Variants in RND3 observed in about 807,000 individuals in gnomAD.
The protein encoded by RND3 is Rho family GTPase 3.
In RND3, 8 loss-of-function variants were observed where a neutral mutation model predicts 26.5. That is an observed-to-expected ratio of 0.30 (90% CI 0.18 to 0.54). The LOEUF is 0.54. Among genes scored for constraint, RND3 ranks in the 20% least tolerant of loss-of-function variants. The probability of loss-of-function intolerance (pLI) is 0.94; values close to 1 mark genes in which losing one functional copy is unlikely to be tolerated. For synonymous variants in RND3, 113 were observed against 113.0 expected (o/e 1.00, Z 0.00); for missense variants, 207 against 302.8 (o/e 0.68, Z 2.35).
intron 3 of RND3, among the ~76,000 whole-genome samples, chr2:150,476,203 C>T (rs768234516): frequency 9.9e-5 from 15 of 152,122 alleles, no homozygotes; most frequent in Non-Finnish European, 2.2e-4. Context: ...CCATTTTGAG[C>T]AGAAAAACAG....
Position 150,469,954 on chromosome 2 carries a change from A to G in RND3, c.*33T>C. 1 of 1,606,790 alleles carries G rather than the reference A, an allele frequency of 6.2e-7. No homozygotes were observed. The highest frequency in any genetic ancestry group is 8.5e-7 in the Non-Finnish European group (1 of 1,175,416). ...TGTTTGCTGTTGTTTTTTACACTAG[A>G]TTCCTTTGTCTTCATTAAAGATAAT... On this transcript the variant is annotated 3_prime_UTR_variant, in exon 6 of 6. Transcript: ENST00000263895.
At chr2:150,471,050 C>G (rs1427582454) in intron 5 of RND3, among the ~76,000 whole-genome samples, 1 of 152,046 alleles carries the variant, frequency 6.6e-6, no homozygotes, top group African/African-American at 2.4e-5. Context: ...GCACATTAAC[C>G]AAAACTACTT....
rs71413694 is a variant in RND3, at chr2:150,483,295, C to T, written c.238+3399G>A. 5.1e-3 allele frequency among the ~76,000 whole-genome samples: 779 copies of T among 152,212 alleles called. 4 individuals carry two copies. The highest frequency in any genetic ancestry group is 7.3e-3 in the Non-Finnish European group (499 of 68,016). ...ACTGTTTCTGTCTTCTAAATGGTTG[C>T]CCTTCTGCTAGGAGGGTAAACAGGA... On this transcript the variant is annotated intron_variant, in intron 3 of 5. Coordinates refer to ENST00000263895, the MANE Select transcript of RND3 (RefSeq NM_005168.5).
Position 150,469,995 on chromosome 2 carries a change from C to A in RND3, c.727G>T (p.Val243Leu). The A allele has an allele frequency of 6.2e-6, 10 of 1,613,854 alleles. No homozygotes were observed. Among genetic ancestry groups the A allele is most frequent in the Non-Finnish European group, 8.5e-6 (10 of 1,179,852 alleles). Residue 243 changes from valine to leucine, a missense_variant, in exon 6 of 6, where the codon GTG becomes TTG. Val to Leu is a conservative substitution (Grantham distance 32). Transcript: ENST00000263895. ...TAAAGATAATGAAAGATTCACATCACAGTGCAGCTCTTCGCTTTGTCCTTT... is the reference window on the plus strand; with the variant it reads ...TAAAGATAATGAAAGATTCACATCAAAGTGCAGCTCTTCGCTTTGTCCTTT... ...LRKDKAKSCT[V>L]M
intron 3 of RND3, among the ~76,000 whole-genome samples, chr2:150,482,722 C>T (rs924786353): frequency 2.8e-4 from 2 of 7,158 alleles, no homozygotes; most frequent in South Asian, 3.5e-3. Context: ...GTGCAATGGG[C>T]GGGGGTGGGG....
At chr2:150,473,860 C>T (rs1018560879) in intron 4 of RND3, among the ~76,000 whole-genome samples, 2 of 152,194 alleles carry the variant, frequency 1.3e-5, no homozygotes, top group African/African-American at 4.8e-5. Flanking sequence ...CTAGCCACAC[C>T]TGCATGTTTG....
chr2:150,478,236 C>T (rs532218377), intron 3 of RND3, among the ~76,000 whole-genome samples: 1 of 151,430 alleles, frequency 6.6e-6, no homozygotes, highest in East Asian at 1.9e-4. Flanking sequence ...CACTCACACA[C>T]AAAAACACCT....
rs1686409552 is a variant in RND3 at position 150,487,564 on chromosome 2, C to T, written c.-54G>A. ...GATGGGCAACCTCTGAAACGCGGCG[C>T]AGACGAGGAGGAGAGCGAGAGGAGC... On this transcript the variant is annotated 5_prime_UTR_variant, in exon 1 of 6. Coordinates refer to ENST00000263895, the MANE Select transcript of RND3 (RefSeq NM_005168.5). 1 of 194,902 alleles carries T rather than the reference C, an allele frequency of 5.1e-6. No homozygotes were observed. Among genetic ancestry groups the T allele is most frequent in the Admixed American group, 6.2e-5 (1 of 16,164 alleles). 12.1% of individuals were successfully genotyped at this position (194,902 alleles called of 1,614,324 possible).
chr2:150,475,793 A>C (rs1686154241), intron 3 of RND3, among the ~76,000 whole-genome samples: 1 of 152,214 alleles, frequency 6.6e-6, no homozygotes, highest in Non-Finnish European at 1.5e-5. Flanking sequence ...TTTTTTACAG[A>C]GTCCCATCTC....
rs1244756201 is a variant in RND3 at position 150,469,144 on chromosome 2, CAA to C, written c.*841_*842del. On this transcript the variant is annotated 3_prime_UTR_variant, in exon 6 of 6. Transcript: ENST00000263895. ...CTTGGATCATTCTATGACATCAAAC[CAA>C]GACACCTTTTATTTGACTTTGCATT... 9 of 152,520 alleles carry C rather than the reference CAA, an allele frequency of 5.9e-5. No individual in the cohort carries two copies. Among genetic ancestry groups the C allele is most frequent in the Non-Finnish European group, 1.3e-4 (9 of 68,000 alleles). 9.4% of individuals were successfully genotyped at this position (152,520 alleles called of 1,614,324 possible). A position where few individuals can be genotyped will look rare whatever the true frequency, so the allele number is the denominator to read the frequency against.
At chr2:150,473,831 T>C (rs1362561711) in intron 4 of RND3, among the ~76,000 whole-genome samples, 1 of 152,076 alleles carries the variant, frequency 6.6e-6, no homozygotes, top group African/African-American at 2.4e-5. Context: ...AAAATTAAAA[T>C]GAAAAAAACA....
intron 3 of RND3, among the ~76,000 whole-genome samples, chr2:150,480,951 A>G (rs936848044): frequency 5.9e-5 from 9 of 152,162 alleles, no homozygotes; most frequent in African/African-American, 1.9e-4. Context: ...GTTTCCTGCA[A>G]TTTCACAGTT....
chr2:150,483,242 C>T (rs924968770), intron 3 of RND3, among the ~76,000 whole-genome samples: 3 of 151,728 alleles, frequency 2.0e-5, no homozygotes, highest in Non-Finnish European at 4.4e-5. Flanking sequence ...GAGAAGCTGT[C>T]CAACTAAAGA....
chr2:150,478,579 CAAA>C (rs1229770069), intron 3 of RND3, among the ~76,000 whole-genome samples: 2 of 106,358 alleles, frequency 1.9e-5, no homozygotes, highest in Non-Finnish European at 1.9e-5. Flanking sequence ...AGCCAAACGG[CAAA>C]AAAAAAAAAA....
At chr2:150,476,468 G>A (rs1242027268) in intron 3 of RND3, among the ~76,000 whole-genome samples, 1 of 152,162 alleles carries the variant, frequency 6.6e-6, no homozygotes, top group Non-Finnish European at 1.5e-5. Context: ...CCTTTACGAT[G>A]GAGAGTGACA....
intron 4 of RND3, among the ~76,000 whole-genome samples, chr2:150,473,343 A>G (rs1192832871): frequency 6.6e-6 from 1 of 152,164 alleles, no homozygotes; most frequent in Non-Finnish European, 1.5e-5. Flanking sequence ...GACAAAAGCA[A>G]AATAAAACAG....
chr2:150,470,077 C>A lies in RND3; in HGVS notation c.645G>T (p.Lys215Asn). ...VKRNKSQRAT[K>N]RISHMPSRPE... ...GTCTGCTAGGCATGTGTGAAATCCG[C>A]TTTGTGGCTCTCTGTGATTTGTTCC... is the stretch of plus-strand genomic sequence containing the variant. Residue 215 changes from lysine to asparagine, a missense_variant, in exon 6 of 6, where the codon AAG (lysine) becomes AAT (asparagine). Transcript: ENST00000263895. The A allele has an allele frequency of 6.2e-7, 1 of 1,614,090 alleles. No individual in the cohort carries two copies. The highest frequency in any genetic ancestry group is 8.5e-7 in the Non-Finnish European group (1 of 1,179,974).
chr2:150,487,162 T>G, intron 2 of RND3, 106 bp downstream of exon 2: 2 of 533,236 alleles, frequency 3.8e-6, no homozygotes, highest in Non-Finnish European at 5.5e-6. Flanking sequence ...TTTTTTTTCT[T>G]TTTTTTTTTT....
chr2:150,475,311 C>T (rs1381685783), intron 3 of RND3, among the ~76,000 whole-genome samples: 1 of 152,132 alleles, frequency 6.6e-6, no homozygotes, highest in Non-Finnish European at 1.5e-5. Flanking sequence ...TGTAAACCTG[C>T]CTCCACCACT....
Sources: allele counts gnomAD v4.1 joint callset (sites outside exome capture counted in the v4.1 genomes callset), GRCh38; gene constraint gnomAD v4.1.1; transcripts MANE v1.5; gene names NCBI Gene and HGNC (gene_info 2026-07-23, HGNC 2026-07-21).